NAV3: variants seen among roughly 807,000 people sequenced by gnomAD.
NAV3 encodes the protein pore membrane and/or filament interacting like protein 1.
In NAV3, 87 loss-of-function variants were observed where a neutral mutation model predicts 244.7. The observed-to-expected ratio is 0.36, with a 90% CI of 0.30 to 0.42. The LOEUF (loss-of-function observed/expected upper bound fraction) is 0.42, where lower values mean the gene tolerates loss of function less well. Ranked by LOEUF, NAV3 falls within the 20% of genes least tolerant of loss-of-function variation. The pLI is 1.00. For synonymous variants in NAV3, 1,126 were observed against 1,042.2 expected (o/e 1.08, Z -1.55); for missense variants, 2,663 against 2,893.3 (o/e 0.92, Z 1.83).
intron 1 of NAV3, among the ~76,000 whole-genome samples, chr12:77,863,335 C>G (rs1426229860): frequency 6.6e-6 from 1 of 151,832 alleles, no homozygotes; most frequent in Admixed American, 6.6e-5. Flanking sequence ...GTCCCTTCAG[C>G]AGATGTTAGG....
At chr12:77,716,696 T>C (rs539552152) in intron 2 of NAV3, among the ~76,000 whole-genome samples, 1 of 152,180 alleles carries the variant, frequency 6.6e-6, no homozygotes, top group South Asian at 2.1e-4. Flanking sequence ...TCTTGGATTA[T>C]AATTCTGGAT....
At position 78,051,103 on chromosome 12, in the gene NAV3, T is replaced by C. The variant is rs1882690676; in HGVS notation, c.2472T>C (p.Gly824=). The change falls in exon 11 of 40, where the codon GGT becomes GGC. Residue 824 remains glycine (G), a synonymous_variant. Transcript: ENST00000397909. ...EVDVGGYMSD[G]DILGKSLRTD... Reference sequence around the variant, plus strand: ...ATGTGGGTGGATATATGAGTGATGGTGATATCCTTGGGAAAAGTCTCAGGA... The same window carrying C: ...ATGTGGGTGGATATATGAGTGATGGCGATATCCTTGGGAAAAGTCTCAGGA... 6.2e-7 allele frequency: 1 copy of C among 1,613,224 alleles called. No homozygotes were observed. The highest frequency in any genetic ancestry group is 8.5e-7 in the Non-Finnish European group (1 of 1,179,248).
At chr12:77,622,678 T>C (rs944305188) in intron 2 of NAV3, among the ~76,000 whole-genome samples, 2 of 151,928 alleles carry the variant, frequency 1.3e-5, no homozygotes, top group African/African-American at 4.8e-5. Context: ...CATATCATAA[T>C]TCCCGGTTTT....
At chr12:77,745,372 T>C (rs1868482420) in intron 2 of NAV3, among the ~76,000 whole-genome samples, 1 of 151,922 alleles carries the variant, frequency 6.6e-6, no homozygotes. Flanking sequence ...AAAGAGACAA[T>C]GATGAAGGAG....
intron 7 of NAV3, among the ~76,000 whole-genome samples, chr12:77,999,978 A>C (rs2136460462): frequency 6.6e-6 from 1 of 152,364 alleles, no homozygotes; most frequent in African/African-American, 2.4e-5. Context: ...ATATTCTAGC[A>C]AGAAATTACT....
At chr12:77,700,725 T>C (rs117269022) in intron 2 of NAV3, among the ~76,000 whole-genome samples, 3,039 of 152,028 alleles carry the variant, frequency 0.02, 116 homozygotes, top group Admixed American at 0.1. Context: ...GGAAATTCCT[T>C]TCTGTTCTTA....
In NAV3 at chr12:78,177,184, C is replaced by T; in HGVS notation, c.5168C>T (p.Thr1723Ile). 6.2e-7 allele frequency: 1 copy of T among 1,613,468 alleles called. No individual in the cohort carries two copies. The highest frequency in any genetic ancestry group is 8.5e-7 in the Non-Finnish European group (1 of 1,179,610). Residue 1723 changes from threonine (T) to isoleucine (I), a missense_variant, in exon 27 of 40, where the codon ACC (threonine) becomes ATC (isoleucine). Physicochemically the swap from Thr to Ile is moderately conservative, Grantham distance 89. This residue lies in a region of NAV3 where 193 missense variants were observed against 200.7 expected (regional missense o/e 0.96). Coordinates refer to ENST00000397909, the MANE Select transcript of NAV3 (RefSeq NM_001024383.2). ...CAAGCCTTTGGGAAGAAAAAGTCCA[C>T]CAAGCCTCCTTCATCACATTCTGAC... is the stretch of plus-strand genomic sequence containing the variant. ...FKQAFGKKKS[T>I]KPPSSHSDIE...
chr12:78,179,721 A>C lies in NAV3; in HGVS notation c.5517+39A>C, dbSNP rs200955312. The C allele has an allele frequency of 1.2e-4, 184 of 1,575,016 alleles. 1 individual carries two copies. In the African/African-American group the frequency reaches 2.2e-3, roughly 19 times the overall value. ...CACTTTCAAGGAATAAAATGGAGAA[A>C]CAAAAAAATGCTGCTTATTCTGTTC... On this transcript the variant is annotated intron_variant, in intron 29 of 39. Coordinates refer to ENST00000397909, the MANE Select transcript of NAV3 (RefSeq NM_001024383.2).
intron 1 of NAV3, among the ~76,000 whole-genome samples, chr12:77,872,604 TC>T (rs1881140604): frequency 6.6e-6 from 1 of 152,114 alleles, no homozygotes; most frequent in Non-Finnish European, 1.5e-5. Flanking sequence ...TTCATGGCAA[TC>T]CCAGGGAATC....
chr12:77,999,760 C>T (rs916525418), intron 7 of NAV3, among the ~76,000 whole-genome samples: 1 of 151,884 alleles, frequency 6.6e-6, no homozygotes, highest in African/African-American at 2.4e-5. Context: ...TTATACTCTT[C>T]CTGGGGCTAA....
chr12:78,206,180 C>A (rs557961458), intron 39 of NAV3, among the ~76,000 whole-genome samples: 2 of 151,862 alleles, frequency 1.3e-5, no homozygotes, highest in South Asian at 4.2e-4. Context: ...ATATATAGAC[C>A]TACTTAGATT....
intron 1 of NAV3, among the ~76,000 whole-genome samples, chr12:77,924,957 G>A (rs1888049100): frequency 6.6e-6 from 1 of 151,678 alleles, no homozygotes; most frequent in South Asian, 2.1e-4. Flanking sequence ...ATCCTAGCAT[G>A]AAAGACAAGA....
chr12:77,980,720 A>G (rs1869406501), intron 5 of NAV3, among the ~76,000 whole-genome samples: 1 of 152,220 alleles, frequency 6.6e-6, no homozygotes, highest in South Asian at 2.1e-4. Flanking sequence ...GGAAACATCC[A>G]CAGAACAGCA....
intron 12 of NAV3, among the ~76,000 whole-genome samples, chr12:78,096,718 C>T (rs960013188): frequency 6.6e-6 from 1 of 152,126 alleles, no homozygotes; most frequent in African/African-American, 2.4e-5. Context: ...CTGGGACCCT[C>T]CCACAACACA....
chr12:77,796,874 A>G (rs763333408), intron 2 of NAV3, among the ~76,000 whole-genome samples: 3 of 152,164 alleles, frequency 2.0e-5, no homozygotes, highest in Non-Finnish European at 4.4e-5. Flanking sequence ...ATGCTATTGA[A>G]CACTTAATAG....
chr12:77,945,430 T>A (rs189736125), intron 3 of NAV3, among the ~76,000 whole-genome samples: 2 of 152,202 alleles, frequency 1.3e-5, no homozygotes, highest in East Asian at 3.9e-4. Flanking sequence ...TAAACACAAA[T>A]CTCTACATAG....
At chr12:78,027,298 G>A (rs1287337780) in intron 9 of NAV3, among the ~76,000 whole-genome samples, 1 of 151,948 alleles carries the variant, frequency 6.6e-6, no homozygotes, top group East Asian at 1.9e-4. Flanking sequence ...AAATTGTTCA[G>A]GCATGGTGCT....
chr12:77,946,333 A>G lies in NAV3; in HGVS notation c.414+5200A>G, dbSNP rs150614582. Among the ~76,000 whole-genome samples, 597 of 151,794 alleles carry G rather than the reference A, an allele frequency of 3.9e-3. 4 individuals are homozygous for G. The highest frequency in any genetic ancestry group is 0.014 in the African/African-American group (585 of 41,416). On this transcript the variant is annotated intron_variant, in intron 3 of 39. Coordinates refer to ENST00000397909, the MANE Select transcript of NAV3 (RefSeq NM_001024383.2). ...GTGTGTGGATATATATAATACATGTATATATAATCCCAACAACAATTCTTT... is the reference window on the plus strand; with the variant it reads ...GTGTGTGGATATATATAATACATGTGTATATAATCCCAACAACAATTCTTT...
intron 2 of NAV3, among the ~76,000 whole-genome samples, chr12:77,687,989 TAA>T (rs1386080685): frequency 6.6e-6 from 1 of 152,132 alleles, no homozygotes; most frequent in African/African-American, 2.4e-5. Context: ...TAGTTGTATG[TAA>T]AGACATTATA....
Sources: allele counts gnomAD v4.1 joint callset (sites outside exome capture counted in the v4.1 genomes callset), GRCh38; gene constraint gnomAD v4.1.1; regional missense constraint gnomAD v4.1.1; transcripts MANE v1.5; gene names NCBI Gene and HGNC (gene_info 2026-07-23, HGNC 2026-07-21).